ESRRB: variants seen among roughly 807,000 people sequenced by gnomAD.
ESRRB encodes the protein steroid hormone receptor ERR2.
A neutral mutation model predicts 46.0 loss-of-function variants in ESRRB; 16 were observed. The ratio of observed to expected loss-of-function variants is 0.35; its 90% CI spans 0.24 to 0.53. The LOEUF (loss-of-function observed/expected upper bound fraction) is 0.53. Among genes scored for constraint, ESRRB ranks in the 20% least tolerant of loss-of-function variants. The pLI, the probability that ESRRB is intolerant of heterozygous loss-of-function variation, is 0.93. For synonymous variants in ESRRB, 246 were observed against 259.6 expected, an observed-to-expected ratio of 0.95 and a Z score of 0.50; for missense variants, 488 against 607.4, an observed-to-expected ratio of 0.80 and a Z score of 2.07.
At chr14:76,469,753 C>G (rs1303601987) in intron 3 of ESRRB, among the ~76,000 whole-genome samples, 1 of 152,048 alleles carries the variant, frequency 6.6e-6, no homozygotes, top group Non-Finnish European at 1.5e-5. Context: ...TACCTGATCC[C>G]ACTGTCTTTC....
chr14:76,450,338 G>A (rs1888335062), intron 2 of ESRRB, among the ~76,000 whole-genome samples: 2 of 152,164 alleles, frequency 1.3e-5, no homozygotes, highest in Admixed American at 1.3e-4. Context: ...GGGCTGGAGA[G>A]GATGGGCAAA....
At chr14:76,485,110 T>C (rs1889954724) in intron 5 of ESRRB, among the ~76,000 whole-genome samples, 1 of 152,186 alleles carries the variant, frequency 6.6e-6, no homozygotes, top group African/African-American at 2.4e-5. Flanking sequence ...CTATTTTGCA[T>C]AAATCTGCAT....
chr14:76,384,981 C>A (rs539175223), intron 1 of ESRRB, among the ~76,000 whole-genome samples: 1 of 152,238 alleles, frequency 6.6e-6, no homozygotes, highest in Admixed American at 6.5e-5. Flanking sequence ...TGCTTCATGG[C>A]GACTCCCAGA....
intron 2 of ESRRB, among the ~76,000 whole-genome samples, chr14:76,445,345 C>T (rs147151944): frequency 0.013 from 2,015 of 151,270 alleles, 41 homozygotes; most frequent in African/African-American, 0.047. Context: ...GTGGCGCATG[C>T]CTGTAATCCC....
At chr14:76,403,187 A>T (rs1281803163) in intron 1 of ESRRB, among the ~76,000 whole-genome samples, 1 of 152,120 alleles carries the variant, frequency 6.6e-6, no homozygotes, top group Non-Finnish European at 1.5e-5. Flanking sequence ...CTTTTCAACC[A>T]CTTTTTGCAT....
At chr14:76,478,511 G>A (rs892200310) in intron 3 of ESRRB, among the ~76,000 whole-genome samples, 1 of 152,052 alleles carries the variant, frequency 6.6e-6, no homozygotes, top group South Asian at 2.1e-4. Context: ...GATGGGAAGC[G>A]AGAGTTCATT....
chr14:76,440,729 C>G (rs1304965592), intron 2 of ESRRB, among the ~76,000 whole-genome samples: 1 of 151,698 alleles, frequency 6.6e-6, no homozygotes, highest in Non-Finnish European at 1.5e-5. Context: ...CTCTTTCTCT[C>G]TCTCTCTCTC....
chr14:76,375,541 T>C (rs1272838566), upstream of ESRRB, among the ~76,000 whole-genome samples: 1 of 152,192 alleles, frequency 6.6e-6, no homozygotes, highest in East Asian at 1.9e-4. Context: ...GTTTTATAGA[T>C]GCGCACCCTG....
Position 76,381,105 on chromosome 14 carries a change from T to C in ESRRB, c.50+4654T>C, listed in dbSNP as rs536960951. 6.6e-5 allele frequency among the ~76,000 whole-genome samples: 10 copies of C among 152,240 alleles called. No individual in the cohort carries two copies. In the South Asian group the frequency reaches 1.7e-3, roughly 25 times the overall value. ...GGTCTTCCCTCAGAGGAGAGGCCCA[T>C]AGGCTTTGGGTGGCCCTGATGTCCC... On this transcript the variant is annotated intron_variant, in intron 1 of 6. Transcript: ENST00000644823.
intron 3 of ESRRB, among the ~76,000 whole-genome samples, chr14:76,478,549 T>TA (rs770589719): frequency 6.6e-6 from 1 of 151,762 alleles, no homozygotes; most frequent in Non-Finnish European, 1.5e-5. Context: ...AGAAGGTCAG[T>TA]AAAGTGGGGA....
At chr14:76,431,032 C>T (rs891435983) in intron 1 of ESRRB, among the ~76,000 whole-genome samples, 2 of 152,212 alleles carry the variant, frequency 1.3e-5, no homozygotes, top group East Asian at 1.9e-4. Context: ...CCTGATGGCT[C>T]ATGCCTGTAA....
chr14:76,439,234 A>G (rs2139932461), intron 1 of ESRRB, 107 bp from the exon 2 acceptor site: 1 of 1,300,792 alleles, frequency 7.7e-7, no homozygotes, highest in South Asian at 1.2e-5. Flanking sequence ...TTATCGCACC[A>G]AAGCCTTAGC....
chr14:76,332,118 A>G (rs1884020553), intron 1 of ESRRB, among the ~76,000 whole-genome samples: 1 of 151,852 alleles, frequency 6.6e-6, no homozygotes, highest in Non-Finnish European at 1.5e-5. Flanking sequence ...CTACACCAAT[A>G]AAGGAGAGGA....
intron 1 of ESRRB, among the ~76,000 whole-genome samples, chr14:76,334,026 TAGG>T (rs1884096061): frequency 6.6e-6 from 1 of 152,148 alleles, no homozygotes; most frequent in African/African-American, 2.4e-5. Context: ...TTGGAGTTGT[TAGG>T]AGAACTATAG....
At chr14:76,451,436 C>T (rs1453201937) in intron 2 of ESRRB, among the ~76,000 whole-genome samples, 1 of 152,066 alleles carries the variant, frequency 6.6e-6, no homozygotes, top group Non-Finnish European at 1.5e-5. Flanking sequence ...AAGTGCCTGG[C>T]ACATGAAATA....
chr14:76,313,015 C>A (rs907866171), intron 1 of ESRRB, among the ~76,000 whole-genome samples: 2 of 152,194 alleles, frequency 1.3e-5, no homozygotes, highest in Admixed American at 6.5e-5. Flanking sequence ...CTGAGCAAGT[C>A]CTGTGTTCTC....
At chr14:76,315,488 C>T (rs372113646) in intron 1 of ESRRB, among the ~76,000 whole-genome samples, 11 of 152,312 alleles carry the variant, frequency 7.2e-5, no homozygotes, top group African/African-American at 2.6e-4. Context: ...AGTTATGAGA[C>T]TTGAGTTACG....
chr14:76,421,266 C>T (rs943736296), intron 1 of ESRRB, among the ~76,000 whole-genome samples: 2 of 152,178 alleles, frequency 1.3e-5, no homozygotes, highest in African/African-American at 4.8e-5. Flanking sequence ...AAATCCCATA[C>T]ATTGGCATCA....
intron 2 of ESRRB, among the ~76,000 whole-genome samples, chr14:76,453,405 A>G (rs1030868413): frequency 2.6e-5 from 4 of 152,194 alleles, no homozygotes; most frequent in African/African-American, 9.6e-5. Flanking sequence ...AACAGTGAAC[A>G]CTTTCTTAAC....
Sources: allele counts gnomAD v4.1 joint callset (sites outside exome capture counted in the v4.1 genomes callset), GRCh38; gene constraint gnomAD v4.1.1; transcripts MANE v1.5; gene names NCBI Gene and HGNC (gene_info 2026-07-23, HGNC 2026-07-21).